Variants in SH2B1 observed in about 807,000 individuals in gnomAD.
SH2B1 encodes SH2B adaptor protein 1, also known as SH2B adapter protein 1.
In SH2B1, 15 loss-of-function variants were observed where a neutral mutation model predicts 62.6. That is an observed-to-expected ratio of 0.24 (90% CI 0.16 to 0.37). The LOEUF is 0.37. Ranked by LOEUF, SH2B1 falls within the 10% of genes least tolerant of loss-of-function variation. SH2B1 has a pLI of 1.00. For synonymous variants in SH2B1, 443 were observed against 438.0 expected, an observed-to-expected ratio of 1.01 and a Z score of -0.14; for missense variants, 925 against 1,015.6, an observed-to-expected ratio of 0.91 and a Z score of 1.21.
At chr16:28,852,088 T>TA (rs1035552722) in intron 1 of SH2B1, among the ~76,000 whole-genome samples, 6 of 144,248 alleles carry the variant, frequency 4.2e-5, no homozygotes, top group Admixed American at 7.1e-5. Context: ...AAAAGAAATT[T>TA]AAAAAAAAGA....
In SH2B1 at chr16:28,873,605, G is replaced by A. The variant is rs1031849542; in HGVS notation, c.2056G>A (p.Gly686Arg). The change falls in exon 8 of 8, where the codon GGA becomes AGA. Residue 686 changes from glycine (G) to arginine (R), a missense_variant. Coordinates refer to ENST00000684370, the MANE Select transcript of SH2B1 (RefSeq NM_001387430.1). This position sits in a 1 kb window ranked among gnomAD's most constrained non-coding sequence, Gnocchi z 4.2. Reference sequence around the variant, plus strand: ...GCAAGAGAAAGAGAAAGCGGGCGGTGGAGGGGTCCCGGAAGAGCTGGTCCC... The same window carrying A: ...GCAAGAGAAAGAGAAAGCGGGCGGTAGAGGGGTCCCGGAAGAGCTGGTCCC... ...ERQEKEKAGG[G>R]GVPEELVPVV... The A allele has an allele frequency of 1.3e-6, 2 of 1,554,034 alleles. No individual in the cohort carries two copies. The highest frequency in any genetic ancestry group is 1.7e-6 in the Non-Finnish European group (2 of 1,149,014).
intron 1 of SH2B1, among the ~76,000 whole-genome samples, chr16:28,849,879 C>T (rs1469509485): frequency 1.3e-5 from 2 of 152,086 alleles, no homozygotes; most frequent in African/African-American, 4.8e-5. Context: ...GCCGATATCA[C>T]GCCATTGTAC....
chr16:28,848,367 G>A (rs982737335), intron 1 of SH2B1, among the ~76,000 whole-genome samples: 3 of 152,098 alleles, frequency 2.0e-5, no homozygotes, highest in African/African-American at 7.2e-5. Context: ...GCACCCGGGA[G>A]GCGGAGCTTG....
At chr16:28,867,867 C>T (rs186429965) in intron 2 of SH2B1, among the ~76,000 whole-genome samples, 2 of 152,312 alleles carry the variant, frequency 1.3e-5, no homozygotes, top group Admixed American at 6.5e-5. Context: ...CTTGCTCTGC[C>T]GCACAGGCTG....
In SH2B1 at chr16:28,872,573, G is replaced by C; in HGVS notation, c.1765G>C (p.Val589Leu). 5.6e-6 allele frequency: 9 copies of C among 1,614,086 alleles called. No homozygotes were observed. Among genetic ancestry groups the C allele is most frequent in the Non-Finnish European group, 6.8e-6 (8 of 1,179,974 alleles). ...GCTGAACGAGGAGGGTCAGTGCCGG[G>C]TCCAGCACCTGTGGTTCCAGTCCAT... ...LSLNEEGQCR[V>L]QHLWFQSIFD... The change falls in exon 7 of 8, where the codon GTC (valine) becomes CTC (leucine). Residue 589 changes from valine to leucine, a missense_variant. By Grantham distance (32) the Val-to-Leu change is conservative. Transcript: ENST00000684370. The surrounding 1 kb of genome is among the most constrained non-coding windows in gnomAD (Gnocchi z 5.3).
At chr16:28,848,872 A>G (rs1962041184) in intron 1 of SH2B1, among the ~76,000 whole-genome samples, 2 of 151,960 alleles carry the variant, frequency 1.3e-5, no homozygotes, top group African/African-American at 4.8e-5. Flanking sequence ...GGGTTTCACC[A>G]TATTGGCCAG....
chr16:28,856,184 G>A (rs1962320481), intron 1 of SH2B1, among the ~76,000 whole-genome samples: 1 of 147,670 alleles, frequency 6.8e-6, no homozygotes, highest in Admixed American at 6.8e-5. Flanking sequence ...TGAGGCAGGA[G>A]AATCACTTGA....
chr16:28,862,299 T>C (rs550923336), upstream of SH2B1: 5 of 152,062 alleles, frequency 3.3e-5, no homozygotes, highest in Non-Finnish European at 7.4e-5. Context: ...ATTATTATTA[T>C]TGTTATTATT....
chr16:28,871,915 C>A lies in SH2B1; in HGVS notation c.1445C>A (p.Pro482His). Residue 482 changes from proline (P) to histidine (H), a missense_variant, in exon 5 of 8, where the codon CCC becomes CAC. Pro to His is a moderately conservative substitution (Grantham distance 77, BLOSUM62 -2). This residue lies in a region of SH2B1 where 683 missense variants were observed against 704.0 expected (regional missense o/e 0.97). Transcript: ENST00000684370. ...CCCCGCATCCCCATTGAAGAGGGACCCCCAACAGGGACAGTTCATCCCCTC... is the reference window on the plus strand; with the variant it reads ...CCCCGCATCCCCATTGAAGAGGGACACCCAACAGGGACAGTTCATCCCCTC... ...LPPRIPIEEG[P>H]PTGTVHPLSA... 6.3e-7 allele frequency: 1 copy of A among 1,589,952 alleles called. No homozygotes were observed. Among genetic ancestry groups the A allele is most frequent in the Non-Finnish European group, 8.6e-7 (1 of 1,158,678 alleles).
Position 28,872,467 on chromosome 16 carries a change from CG to C in SH2B1, c.1726-62del. ...TGGCAGTGGGGTGGGGGAGCACTGC[CG>C]GGGGAGGGGGTTTGTACCTGGCAGG... On this transcript the variant is annotated intron_variant, in intron 6 of 7. Coordinates refer to ENST00000684370, the MANE Select transcript of SH2B1 (RefSeq NM_001387430.1). The surrounding 1 kb of genome is among the most constrained non-coding windows in gnomAD (Gnocchi z 5.3). The C allele has an allele frequency of 6.4e-7, 1 of 1,571,046 alleles. No individual in the cohort carries two copies. The highest frequency in any genetic ancestry group is 8.7e-7 in the Non-Finnish European group (1 of 1,154,398).
At position 28,865,514 on chromosome 16, in the gene SH2B1, T is replaced by TG. The variant is rs1351053680; in HGVS notation, c.-577dup. ...GGCTGAGGCTGGCCCAGCCGGGCCC[T>TG]GGGGACAGGGACTATGAAGTGGGGA... On this transcript the variant is annotated 5_prime_UTR_variant, in exon 1 of 8. An upstream open reading frame in the 5' UTR loses its in-frame stop. Coordinates refer to ENST00000684370, the MANE Select transcript of SH2B1 (RefSeq NM_001387430.1). 2 of 985,486 alleles carry TG rather than the reference T, an allele frequency of 2.0e-6. No homozygotes were observed. The highest frequency in any genetic ancestry group is 3.5e-5 in the African/African-American group (2 of 57,218). 61.0% of individuals were successfully genotyped at this position (985,486 alleles called of 1,614,324 possible).
rs1197459552 is a variant in SH2B1 at position 28,852,196 on chromosome 16, T to TTATATATTTACATA, written c.-301+5389_-301+5402dup. Among the ~76,000 whole-genome samples the TTATATATTTACATA allele has an allele frequency of 1.7e-3, 143 of 82,904 alleles. 41 individuals carry two copies. Among genetic ancestry groups the TTATATATTTACATA allele is most frequent in the Middle Eastern group, 6.2e-3 (1 of 162 alleles). 54.4% of individuals were successfully genotyped at this position (82,904 alleles called of 152,430 possible). A position where few individuals can be genotyped will look rare whatever the true frequency, so the allele number is the denominator to read the frequency against. On this transcript the variant is annotated intron_variant, in intron 1 of 10. Transcript: ENST00000322610. ...TATCCAAAAATATATATATTTTTATTTATATATTTACATATATATATTTAC... is the reference window on the plus strand; with the variant it reads ...TATCCAAAAATATATATATTTTTATTTATATATTTACATATATATATTTACATATATATATTTAC...
At chr16:28,859,876 C>T (rs111526019), upstream of SH2B1, among the ~76,000 whole-genome samples, 3 of 112,206 alleles carry the variant, frequency 2.7e-5, no homozygotes, top group Non-Finnish European at 4.1e-5. Context: ...AGACCCCCCC[C>T]CCCCGGCTGT....
rs11864750 is a variant in SH2B1, at chr16:28,863,883, A to T, written c.-2212A>T. ...CTCGTCGCGTAGTGGGTGGGGGCGC[A>T]GGGAGCGGGAGCCGCCGCCGCCGCC... On this transcript the variant is annotated 5_prime_UTR_variant, in exon 1 of 8. Transcript: ENST00000684370. 558,608 of 1,506,048 alleles carry T rather than the reference A, an allele frequency of 0.37. 107,946 individuals are homozygous for T. Among genetic ancestry groups the T allele is most frequent in the Admixed American group, 0.45 (20,621 of 45,680 alleles). The allele number at this position is 1,506,048 out of a possible 1,614,324, so 93.3% of individuals were successfully genotyped here. A position where few individuals can be genotyped will look rare whatever the true frequency, so the allele number is the denominator to read the frequency against.
At chr16:28,850,561 G>A (rs554438053) in intron 1 of SH2B1, among the ~76,000 whole-genome samples, 1 of 150,792 alleles carries the variant, frequency 6.6e-6, no homozygotes, top group African/African-American at 2.4e-5. Context: ...GCCAGACCAC[G>A]TCTCTAAAAC....
At chr16:28,869,452 C>T in intron 4 of SH2B1, 69 bp downstream of exon 4, 2 of 1,433,204 alleles carry the variant, frequency 1.4e-6, no homozygotes, top group Admixed American at 2.0e-5. Flanking sequence ...TGTCAGGCGC[C>T]ATGCCCTCTC....
At position 28,869,200 on chromosome 16, in the gene SH2B1, C is replaced by T; in HGVS notation, c.1134-8C>T. The T allele has an allele frequency of 6.2e-7, 1 of 1,614,008 alleles. No homozygotes were observed. Among genetic ancestry groups the T allele is most frequent in the Non-Finnish European group, 8.5e-7 (1 of 1,179,916 alleles). ...TTCCTCCCAGCACCATCTTCCCTGT[C>T]TCTGCAGACCCTGCCCTGCTACCAG... On this transcript the variant is annotated splice_region_variant and splice_polypyrimidine_tract_variant and intron_variant, in intron 3 of 7. Transcript: ENST00000684370.
chr16:28,872,016 C>A lies in SH2B1; in HGVS notation c.1513+33C>A. 1.4e-6 allele frequency: 2 copies of A among 1,418,144 alleles called. No individual in the cohort carries two copies. Among genetic ancestry groups the A allele is most frequent in the South Asian group, 1.1e-5 (1 of 87,202 alleles). 87.8% of individuals were successfully genotyped at this position (1,418,144 alleles called of 1,614,324 possible). ...AGGTGTGAGTGTGCATGTCTCCAGG[C>A]CTGGGTGCCTACCTTCCTGACCACC... On this transcript the variant is annotated intron_variant, in intron 5 of 7. Coordinates refer to ENST00000684370, the MANE Select transcript of SH2B1 (RefSeq NM_001387430.1). This position sits in a 1 kb window ranked among gnomAD's most constrained non-coding sequence, Gnocchi z 5.3.
At chr16:28,852,196 TTATATATTTACATATATATATTTACA>T (rs1184261834) in intron 1 of SH2B1, among the ~76,000 whole-genome samples, 1,863 of 82,612 alleles carry the variant, frequency 0.023, 92 homozygotes, top group South Asian at 0.065. Flanking sequence ...ATATTTTTAT[TTATATATTTACATATATATATTTACA>T]TATATATTTA....
Sources: gnomAD v4.1 joint callset for allele counts (sites outside exome capture counted in the v4.1 genomes callset) on GRCh38, gnomAD v4.1.1 for gene constraint, gnomAD v4.1.1 regional missense constraint, Gnocchi (gnomAD v3.1) non-coding constraint, MANE v1.5 for transcripts, NCBI Gene and HGNC (gene_info 2026-07-23, HGNC 2026-07-21) for gene names.